Variants in PBX3 observed in about 807,000 individuals in gnomAD.
PBX3 encodes the protein PBX homeobox 3.
A neutral mutation model predicts 48.5 loss-of-function variants in PBX3; 14 were observed. The ratio of observed to expected loss-of-function variants is 0.29; its 90% CI spans 0.19 to 0.45. PBX3 has a LOEUF of 0.45. Ranked by LOEUF, PBX3 falls within the 20% of genes least tolerant of loss-of-function variation. The pLI, the probability that PBX3 is intolerant of heterozygous loss-of-function variation, is 1.00. For synonymous variants in PBX3, 210 were observed against 200.3 expected, an observed-to-expected ratio of 1.05 and a Z score of -0.41; for missense variants, 386 against 546.7, an observed-to-expected ratio of 0.71 and a Z score of 2.93.
At chr9:125,786,169 A>C (rs72752615) in intron 2 of PBX3, among the ~76,000 whole-genome samples, 11,326 of 152,262 alleles carry the variant, frequency 0.074, 530 homozygotes, top group Middle Eastern at 0.18. Flanking sequence ...GGCCCAGTGA[A>C]TATATCTCAC....
chr9:125,955,537 G>C (rs770034830), intron 5 of PBX3, among the ~76,000 whole-genome samples: 4 of 152,230 alleles, frequency 2.6e-5, no homozygotes, highest in Non-Finnish European at 4.4e-5. Context: ...TCTCGGAGTG[G>C]TCCAGGGAGA....
At chr9:125,863,393 G>A (rs946969296) in intron 2 of PBX3, among the ~76,000 whole-genome samples, 3 of 151,854 alleles carry the variant, frequency 2.0e-5, no homozygotes, top group Admixed American at 1.3e-4. Context: ...TGTATTTTTA[G>A]TAGAGATGGG....
chr9:125,777,015 C>CTTTTT (rs11446623), intron 2 of PBX3, among the ~76,000 whole-genome samples: 2 of 145,920 alleles, frequency 1.4e-5, no homozygotes, highest in Admixed American at 1.4e-4. Context: ...CTTTTCTTTT[C>CTTTTT]TTTTTTTTTT....
At chr9:125,757,780 T>G (rs1588119786) in intron 2 of PBX3, among the ~76,000 whole-genome samples, 1 of 152,202 alleles carries the variant, frequency 6.6e-6, no homozygotes, top group East Asian at 1.9e-4. Flanking sequence ...TATGGAGCTT[T>G]ATGCAGAGGT....
chr9:125,894,626 A>T (rs1840726895), intron 2 of PBX3, among the ~76,000 whole-genome samples: 1 of 152,150 alleles, frequency 6.6e-6, no homozygotes, highest in South Asian at 2.1e-4. Context: ...GCCTACAGCC[A>T]TGGCGGACAG....
intron 2 of PBX3, among the ~76,000 whole-genome samples, chr9:125,837,544 T>C (rs1320018217): frequency 1.3e-5 from 2 of 151,996 alleles, no homozygotes; most frequent in African/African-American, 4.8e-5. Flanking sequence ...TGTAACCCTA[T>C]ATTTAAAATG....
chr9:125,848,474 T>C (rs572794432), intron 2 of PBX3, among the ~76,000 whole-genome samples: 1 of 152,028 alleles, frequency 6.6e-6, no homozygotes, highest in Non-Finnish European at 1.5e-5. Context: ...TCCCTCAATA[T>C]CTAGTACTGT....
At position 125,748,558 on chromosome 9, in the gene PBX3, C is replaced by T; in HGVS notation, c.209C>T (p.Ala70Val). 1.2e-6 allele frequency: 2 copies of T among 1,613,594 alleles called. No individual in the cohort carries two copies. Among genetic ancestry groups the T allele is most frequent in the South Asian group, 1.1e-5 (1 of 91,078 alleles). Reference protein sequence around the residue: ...SLDEAQAKKHALNCHRMKPAL... With the variant: ...SLDEAQAKKHVLNCHRMKPAL... ...CGTTATTTGTTTTTTAGGAAACATGCCCTGAACTGTCACAGAATGAAACCA... is the reference window on the plus strand; with the variant it reads ...CGTTATTTGTTTTTTAGGAAACATGTCCTGAACTGTCACAGAATGAAACCA... The change falls in exon 2 of 9, where the codon GCC (alanine) becomes GTC (valine). Residue 70 changes from alanine (A) to valine (V), a missense_variant. Physicochemically the swap from Ala to Val is moderately conservative, Grantham distance 64 (BLOSUM62 0). Around this residue, in one of 4 missense-constraint regions of PBX3, gnomAD observed 116 missense variants for 98.2 expected, o/e 1.18. Transcript: ENST00000373489.
intron 2 of PBX3, among the ~76,000 whole-genome samples, chr9:125,904,738 A>G (rs1182478757): frequency 6.6e-6 from 1 of 151,920 alleles, no homozygotes; most frequent in Non-Finnish European, 1.5e-5. Context: ...GGGTGATTCC[A>G]GGGTATCAGT....
chr9:125,949,268 T>C (rs995587415), intron 5 of PBX3: 1 of 1,357,256 alleles, frequency 7.4e-7, no homozygotes, highest in African/African-American at 1.5e-5. Context: ...ATTCAGGGGT[T>C]AATGAAATCA....
rs558268387 is a variant in PBX3, at chr9:125,819,254, C to T, written c.274+70631C>T. Among the ~76,000 whole-genome samples the T allele has an allele frequency of 7.9e-5, 12 of 151,902 alleles. 1 individual carries two copies. Among genetic ancestry groups the T allele is most frequent in the African/African-American group, 2.2e-4 (9 of 41,452 alleles). On this transcript the variant is annotated intron_variant, in intron 2 of 8. Coordinates refer to ENST00000373489, the MANE Select transcript of PBX3 (RefSeq NM_006195.6). ...TTATTTTTAAATTTTCAAGGCCAGGCGGGGTGGCTCACACCTGTAATCCCA... is the reference window on the plus strand; with the variant it reads ...TTATTTTTAAATTTTCAAGGCCAGGTGGGGTGGCTCACACCTGTAATCCCA...
chr9:125,780,581 A>C (rs1468346079), intron 2 of PBX3, among the ~76,000 whole-genome samples: 1 of 114,890 alleles, frequency 8.7e-6, no homozygotes. Flanking sequence ...ACTTCCCAGT[A>C]GGGGAGGCTG....
chr9:125,869,722 A>G (rs1335359105), intron 2 of PBX3, among the ~76,000 whole-genome samples: 2 of 152,228 alleles, frequency 1.3e-5, no homozygotes, highest in African/African-American at 2.4e-5. Context: ...TTTCACTACC[A>G]ATAGAATTCC....
intron 2 of PBX3, among the ~76,000 whole-genome samples, chr9:125,892,626 T>G (rs1010523856): frequency 4.6e-5 from 7 of 152,236 alleles, no homozygotes; most frequent in African/African-American, 1.7e-4. Flanking sequence ...AATATATGTA[T>G]TCTTTCCTTT....
intron 2 of PBX3, among the ~76,000 whole-genome samples, chr9:125,877,956 A>G (rs1172548885): frequency 1.3e-5 from 2 of 152,186 alleles, no homozygotes; most frequent in African/African-American, 2.4e-5. Flanking sequence ...GTTCACCATC[A>G]TATACCGACT....
At chr9:125,933,490 C>A (rs1357080710) in intron 4 of PBX3, among the ~76,000 whole-genome samples, 3 of 152,124 alleles carry the variant, frequency 2.0e-5, no homozygotes, top group Non-Finnish European at 4.4e-5. Context: ...AGATATATTT[C>A]TTTTTGATCC....
At chr9:125,944,285 G>A (rs545851340) in intron 5 of PBX3, among the ~76,000 whole-genome samples, 3 of 152,344 alleles carry the variant, frequency 2.0e-5, no homozygotes, top group East Asian at 1.9e-4. Flanking sequence ...TAAAATAAGT[G>A]TGGGTTTTGA....
At chr9:125,799,906 G>A (rs1564661340) in intron 2 of PBX3, among the ~76,000 whole-genome samples, 5 of 151,848 alleles carry the variant, frequency 3.3e-5, no homozygotes. Flanking sequence ...TATTTTCCAG[G>A]ATATATATAT....
intron 3 of PBX3, among the ~76,000 whole-genome samples, chr9:125,929,358 A>G (rs1841662502): frequency 6.6e-6 from 1 of 152,206 alleles, no homozygotes; most frequent in Non-Finnish European, 1.5e-5. Context: ...TTACTTGTAT[A>G]TGGGAATTGA....
Sources: allele counts gnomAD v4.1 joint callset (sites outside exome capture counted in the v4.1 genomes callset), GRCh38; gene constraint gnomAD v4.1.1; regional missense constraint gnomAD v4.1.1; transcripts MANE v1.5; gene names NCBI Gene and HGNC (gene_info 2026-07-23, HGNC 2026-07-21).